Variants in CXCR4 observed in about 807,000 individuals in gnomAD.
The protein encoded by CXCR4 is C-X-C motif chemokine receptor 4, also known as C-X-C chemokine receptor type 4.
Under a neutral mutation model 22.4 loss-of-function variants are expected in CXCR4, and 6 were observed. That is an observed-to-expected ratio of 0.27 (90% CI 0.15 to 0.53). CXCR4 has a LOEUF of 0.53. Ranked by LOEUF, CXCR4 falls within the 20% of genes least tolerant of loss-of-function variation. CXCR4 has a pLI of 0.96. For missense variants in CXCR4, 300 were observed against 430.4 expected, an observed-to-expected ratio of 0.70 and a Z score of 2.68; for synonymous variants, 155 against 171.7, an observed-to-expected ratio of 0.90 and a Z score of 0.76.
At chr2:136,117,541 A>ACAGT (rs1416100630) in intron 1 of CXCR4, 3 of 159,722 alleles carry the variant, frequency 1.9e-5, no homozygotes, top group Non-Finnish European at 2.8e-5. Flanking sequence ...AGTGTCAAGA[A>ACAGT]CAGTCACCAG....
chr2:136,117,209 C>G (rs1421837345), intron 1 of CXCR4, among the ~76,000 whole-genome samples: 2 of 152,100 alleles, frequency 1.3e-5, no homozygotes, highest in Admixed American at 6.5e-5. Context: ...CGCTCCTATC[C>G]CCGGAGCGCA....
chr2:136,118,000 C>T, intron 1 of CXCR4, 46 bp downstream of exon 1: 2 of 1,607,360 alleles, frequency 1.2e-6, no homozygotes, highest in Non-Finnish European at 1.7e-6. Context: ...GCTCTAAGTT[C>T]AAACGTTTGT....
At chr2:136,116,926 G>T (rs530188231) in intron 1 of CXCR4, among the ~76,000 whole-genome samples, 1 of 152,224 alleles carries the variant, frequency 6.6e-6, no homozygotes, top group African/African-American at 2.4e-5. Flanking sequence ...CAGGGGCTCC[G>T]CTGGGCGACA....
chr2:136,114,501 T>C lies in CXCR4; in HGVS notation c.*368A>G, dbSNP rs1454669914. ...CCATCTTCTACAGCAAAATCACGTCTTAAGAACAGGAAAAACGTTCCACGG... is the reference window on the plus strand; with the variant it reads ...CCATCTTCTACAGCAAAATCACGTCCTAAGAACAGGAAAAACGTTCCACGG... On this transcript the variant is annotated 3_prime_UTR_variant, in exon 2 of 2. Transcript: ENST00000241393. 1 of 251,380 alleles carries C rather than the reference T, an allele frequency of 4.0e-6. No homozygotes were observed. Among genetic ancestry groups the C allele is most frequent in the Non-Finnish European group, 7.8e-6 (1 of 128,024 alleles). 15.6% of individuals were successfully genotyped at this position (251,380 alleles called of 1,614,324 possible). A position where few individuals can be genotyped will look rare whatever the true frequency, so the allele number is the denominator to read the frequency against.
At chr2:136,117,766 C>G (rs1684956437) in intron 1 of CXCR4, 4 of 451,810 alleles carry the variant, frequency 8.9e-6, no homozygotes, top group Admixed American at 8.3e-5. Context: ...AGCGTGCAAG[C>G]CGCCGCGCGC....
Position 136,115,899 on chromosome 2 carries a change from T to A in CXCR4, c.29A>T (p.Asp10Val), listed in dbSNP as rs1289282733. The change falls in exon 2 of 2, where the codon GAT becomes GTT. Residue 10 changes from aspartate to valine, a missense_variant. Physicochemically the swap from Asp to Val is radical, Grantham distance 152. Coordinates refer to ENST00000241393, the MANE Select transcript of CXCR4 (RefSeq NM_003467.3). The surrounding 1 kb of genome is among the most constrained non-coding windows in gnomAD (Gnocchi z 6.4). The part of the protein sequence containing the change: MEGISIYTS[D>V]NYTEEMGSGD... ...TGAGCCCATTTCCTCGGTGTAGTTATCTGAAGTGTATATCTGCAAAAGAGG... is the reference window on the plus strand; with the variant it reads ...TGAGCCCATTTCCTCGGTGTAGTTAACTGAAGTGTATATCTGCAAAAGAGG... 3 of 1,614,212 alleles carry A rather than the reference T, an allele frequency of 1.9e-6. No homozygotes were observed. The highest frequency in any genetic ancestry group is 2.5e-6 in the Non-Finnish European group (3 of 1,180,030).
chr2:136,116,347 A>G (rs1684889624), intron 1 of CXCR4: 2 of 598,712 alleles, frequency 3.3e-6, no homozygotes, highest in South Asian at 9.4e-5. Flanking sequence ...AACTTTTTGT[A>G]AGAAGTTTTT....
At chr2:136,117,871 C>CG in intron 1 of CXCR4, 175 bp downstream of exon 1, 1 of 137,034 alleles carries the variant, frequency 7.3e-6, no homozygotes, top group South Asian at 2.3e-4. Context: ...AATCCTGCTC[C>CG]CCCCCCACCC....
rs1360006297 is a variant in CXCR4, at chr2:136,115,896, T to C, written c.32A>G (p.Asn11Ser). 1 of 1,614,144 alleles carries C rather than the reference T, an allele frequency of 6.2e-7. No homozygotes were observed. The change falls in exon 2 of 2, where the codon AAC becomes AGC. Residue 11 changes from asparagine (N) to serine (S), a missense_variant. Coordinates refer to ENST00000241393, the MANE Select transcript of CXCR4 (RefSeq NM_003467.3). The surrounding 1 kb of genome is among the most constrained non-coding windows in gnomAD (Gnocchi z 6.4). ...CCCTGAGCCCATTTCCTCGGTGTAGTTATCTGAAGTGTATATCTGCAAAAG... is the reference window on the plus strand; with the variant it reads ...CCCTGAGCCCATTTCCTCGGTGTAGCTATCTGAAGTGTATATCTGCAAAAG... MEGISIYTSDNYTEEMGSGDY... is the reference protein window; with the variant it reads MEGISIYTSDSYTEEMGSGDY...
At chr2:136,117,992 T>C in intron 1 of CXCR4, 54 bp downstream of exon 1, 1 of 1,592,560 alleles carries the variant, frequency 6.3e-7, no homozygotes, top group Middle Eastern at 1.7e-4. Flanking sequence ...GGGGCTGCGC[T>C]CTAAGTTCAA....
chr2:136,114,727 T>C lies in CXCR4; in HGVS notation c.*142A>G. On this transcript the variant is annotated 3_prime_UTR_variant, in exon 2 of 2. Coordinates refer to ENST00000241393, the MANE Select transcript of CXCR4 (RefSeq NM_003467.3). ...ATTTATATAAATAAGTCAATTAAAC[T>C]TCACAAAAACTAAAGAAACACAAGA... 1 of 774,854 alleles carries C rather than the reference T, an allele frequency of 1.3e-6. No individual in the cohort carries two copies. The highest frequency in any genetic ancestry group is 2.8e-5 in the East Asian group (1 of 36,012). The allele number at this position is 774,854 out of a possible 1,614,324, so 48.0% of individuals were successfully genotyped here.
intron 1 of CXCR4, 96 bp from the exon 2 acceptor site, chr2:136,116,008 A>AAAT: frequency 6.3e-7 from 1 of 1,599,060 alleles, no homozygotes; most frequent in Non-Finnish European, 8.5e-7. Context: ...AAACCAATTC[A>AAAT]GGCTTGCTTT....
Position 136,115,012 on chromosome 2 carries a change from C to T in CXCR4, c.916G>A (p.Gly306Arg). 1 of 1,614,108 alleles carries T rather than the reference C, an allele frequency of 6.2e-7. No homozygotes were observed. The highest frequency in any genetic ancestry group is 8.5e-7 in the Non-Finnish European group (1 of 1,180,032). The change falls in exon 2 of 2, where the codon GGA (glycine) becomes AGA (arginine). Residue 306 changes from glycine to arginine, a missense_variant. Coordinates refer to ENST00000241393, the MANE Select transcript of CXCR4 (RefSeq NM_003467.3). The surrounding 1 kb of genome is among the most constrained non-coding windows in gnomAD (Gnocchi z 6.4). ...TGGGCAGAGGTTTTAAATTTGGCTC[C>T]AAGGAAAGCATAGAGGATGGGGTTC... ...CLNPILYAFL[G>R]AKFKTSAQHA...
Position 136,114,402 on chromosome 2 carries a change from G to A in CXCR4, c.*467C>T, listed in dbSNP as rs1244119375. ...CTTAATACAAGACTGTACACTGTAGGTGCTGAAATCAACCCACTCCTGAAA... is the reference window on the plus strand; with the variant it reads ...CTTAATACAAGACTGTACACTGTAGATGCTGAAATCAACCCACTCCTGAAA... On this transcript the variant is annotated 3_prime_UTR_variant, in exon 2 of 2. Transcript: ENST00000241393. 1.7e-5 allele frequency: 4 copies of A among 231,506 alleles called. No homozygotes were observed. The highest frequency in any genetic ancestry group is 6.5e-5 in the East Asian group (1 of 15,484). 14.3% of individuals were successfully genotyped at this position (231,506 alleles called of 1,614,324 possible).
At chr2:136,117,477 C>G (rs1684935781) in intron 1 of CXCR4, 1 of 153,540 alleles carries the variant, frequency 6.5e-6, no homozygotes, top group Admixed American at 6.5e-5. Context: ...GCCTACTGTG[C>G]TGGGAGACTG....
chr2:136,116,637 C>T (rs1684902735), intron 1 of CXCR4, among the ~76,000 whole-genome samples: 1 of 152,144 alleles, frequency 6.6e-6, no homozygotes, highest in Admixed American at 6.5e-5. Context: ...CTCTTGCCAT[C>T]CTCGTGTTTA....
rs1221712615 is a variant in CXCR4 at position 136,115,418 on chromosome 2, G to A, written c.510C>T (p.Pro170=). The A allele has an allele frequency of 1.2e-6, 2 of 1,614,156 alleles. No homozygotes were observed. Among genetic ancestry groups the A allele is most frequent in the Non-Finnish European group, 1.7e-6 (2 of 1,180,034 alleles). Residue 170 remains proline (P), a synonymous_variant, in exon 2 of 2, where the codon CCC becomes CCT. Coordinates refer to ENST00000241393, the MANE Select transcript of CXCR4 (RefSeq NM_003467.3). This position sits in a 1 kb window ranked among gnomAD's most constrained non-coding sequence, Gnocchi z 6.4. ...VWIPALLLTI[P]DFIFANVSEA... ...CACTGACGTTGGCAAAGATGAAGTC[G>A]GGAATAGTCAGCAGGAGGGCAGGGA...
chr2:136,115,709 C>T lies in CXCR4; in HGVS notation c.219G>A (p.Thr73=), dbSNP rs909200339. ...CTGACAGGTGCAGCCTGTACTTGTC[C>T]GTCATGCTTCTCAGTTTCTTCTGGT... ...MGYQKKLRSM[T]DKYRLHLSVA... is the part of the protein sequence containing the mutation. Residue 73 remains threonine, a synonymous_variant, in exon 2 of 2, where the codon ACG becomes ACA. Coordinates refer to ENST00000241393, the MANE Select transcript of CXCR4 (RefSeq NM_003467.3). The surrounding 1 kb of genome is among the most constrained non-coding windows in gnomAD (Gnocchi z 6.4). The T allele has an allele frequency of 6.1e-5, 99 of 1,614,084 alleles. No homozygotes were observed. Among genetic ancestry groups the T allele is most frequent in the Non-Finnish European group, 7.7e-5 (91 of 1,180,030 alleles).
Position 136,115,167 on chromosome 2 carries a change from G to C in CXCR4, c.761C>G (p.Pro254Arg). 6.2e-7 allele frequency: 1 copy of C among 1,614,200 alleles called. No individual in the cohort carries two copies. Among genetic ancestry groups the C allele is most frequent in the Non-Finnish European group, 8.5e-7 (1 of 1,180,046 alleles). Residue 254 changes from proline to arginine, a missense_variant, in exon 2 of 2, where the codon CCT (proline) becomes CGT (arginine). Physicochemically the swap from Pro to Arg is moderately radical, Grantham distance 103 (BLOSUM62 -2). Around this residue, in one of 3 missense-constraint regions of CXCR4, gnomAD observed 137 missense variants for 153.2 expected, o/e 0.89. Coordinates refer to ENST00000241393, the MANE Select transcript of CXCR4 (RefSeq NM_003467.3). The surrounding 1 kb of genome is among the most constrained non-coding windows in gnomAD (Gnocchi z 6.4). ...GTCGATGCTGATCCCAATGTAGTAA[G>C]GCAGCCAACAGGCGAAGAAAGCCAG... is the stretch of plus-strand genomic sequence containing the variant. Reference protein sequence around the residue: ...LILAFFACWLPYYIGISIDSF... With the variant: ...LILAFFACWLRYYIGISIDSF...
Sources: allele counts gnomAD v4.1 joint callset (sites outside exome capture counted in the v4.1 genomes callset), GRCh38; gene constraint gnomAD v4.1.1; regional missense constraint gnomAD v4.1.1; non-coding constraint Gnocchi (gnomAD v3.1); transcripts MANE v1.5; gene names NCBI Gene and HGNC (gene_info 2026-07-23, HGNC 2026-07-21).